RNGTT: variants seen among roughly 807,000 people sequenced by gnomAD.
The protein encoded by RNGTT is mRNA-capping enzyme.
RNGTT carries 33 observed loss-of-function variants against 79.3 expected under a neutral mutation model. The observed-to-expected ratio is 0.42, with a 90% CI of 0.32 to 0.56. The LOEUF (loss-of-function observed/expected upper bound fraction) is 0.56. Ranked by LOEUF, RNGTT falls within the 20% of genes least tolerant of loss-of-function variation. RNGTT has a pLI of 0.17. For missense variants in RNGTT, 497 were observed against 739.1 expected (o/e 0.67, Z 3.80); for synonymous variants, 222 against 235.9 (o/e 0.94, Z 0.54).
At chr6:88,729,185 TAG>T (rs1248717420) in intron 13 of RNGTT, among the ~76,000 whole-genome samples, 2 of 152,118 alleles carry the variant, frequency 1.3e-5, no homozygotes, top group Non-Finnish European at 2.9e-5. Context: ...GCAGGAAACT[TAG>T]AGTTCCTTGG....
At chr6:88,952,933 A>G (rs1785303166) in intron 1 of RNGTT, among the ~76,000 whole-genome samples, 1 of 152,172 alleles carries the variant, frequency 6.6e-6, no homozygotes, top group African/African-American at 2.4e-5. Flanking sequence ...AGAGCACAAC[A>G]TCAAGGGATC....
At chr6:88,650,275 T>C (rs1307138979) in intron 14 of RNGTT, among the ~76,000 whole-genome samples, 2 of 152,202 alleles carry the variant, frequency 1.3e-5, no homozygotes, top group African/African-American at 4.8e-5. Context: ...ATTCATTCTT[T>C]TGCTAAACTA....
chr6:88,621,429 A>G (rs1053941324), intron 14 of RNGTT, among the ~76,000 whole-genome samples: 4 of 152,280 alleles, frequency 2.6e-5, no homozygotes, highest in African/African-American at 9.6e-5. Flanking sequence ...TGTACTGTTG[A>G]TAGCTGGTTA....
At chr6:88,765,877 C>T (rs2127839548) in intron 13 of RNGTT, among the ~76,000 whole-genome samples, 1 of 151,990 alleles carries the variant, frequency 6.6e-6, no homozygotes, top group South Asian at 2.1e-4. Context: ...TGACAAATTA[C>T]ACAAAAAAGC....
At chr6:88,687,863 G>C (rs1196000428) in intron 13 of RNGTT, among the ~76,000 whole-genome samples, 4 of 152,146 alleles carry the variant, frequency 2.6e-5, no homozygotes, top group African/African-American at 7.2e-5. Context: ...AGCAGGATGA[G>C]TGAAGAGTGA....
At chr6:88,760,996 T>A (rs1339518926) in intron 13 of RNGTT, among the ~76,000 whole-genome samples, 1 of 144,740 alleles carries the variant, frequency 6.9e-6, no homozygotes, top group Non-Finnish European at 1.5e-5. Flanking sequence ...TTTTTTTTTT[T>A]AATGAATTGA....
intron 8 of RNGTT, among the ~76,000 whole-genome samples, chr6:88,858,005 A>T (rs1562288796): frequency 6.6e-6 from 1 of 152,320 alleles, no homozygotes; most frequent in African/African-American, 2.4e-5. Flanking sequence ...CAAAGTGGCA[A>T]TGAATTAAGA....
rs1316830318 is a variant in RNGTT, at chr6:88,802,636, G to A, written c.1270-1004C>T. Among the ~76,000 whole-genome samples, 3 of 152,314 alleles carry A rather than the reference G, an allele frequency of 2.0e-5. No individual in the cohort carries two copies. In the East Asian group the frequency reaches 5.8e-4, roughly 29 times the overall value. On this transcript the variant is annotated intron_variant, in intron 11 of 15. Coordinates refer to ENST00000369485, the MANE Select transcript of RNGTT (RefSeq NM_003800.5). ...GAAAAAGCAGTTTAATGGACTTGCT[G>A]TTCCACATGGCTGGGGTGGCCTCAC...
chr6:88,850,515 T>C (rs1478873558), intron 9 of RNGTT, among the ~76,000 whole-genome samples: 1 of 152,004 alleles, frequency 6.6e-6, no homozygotes, highest in Middle Eastern at 3.2e-3. Flanking sequence ...TTATTTTTCT[T>C]TCCTCATATT....
At chr6:88,692,743 T>A (rs1775527739) in intron 13 of RNGTT, among the ~76,000 whole-genome samples, 1 of 152,090 alleles carries the variant, frequency 6.6e-6, no homozygotes, top group African/African-American at 2.4e-5. Flanking sequence ...AAAAACTGAT[T>A]AACTTGCAAA....
intron 8 of RNGTT, among the ~76,000 whole-genome samples, chr6:88,856,858 G>C (rs1412525653): frequency 2.0e-5 from 3 of 152,088 alleles, no homozygotes; most frequent in African/African-American, 7.2e-5. Flanking sequence ...CAAACTGTCA[G>C]ATACTGCCTT....
chr6:88,849,937 T>C (rs577399984), intron 9 of RNGTT, 111 bp from the exon 10 acceptor site: 1 of 1,049,156 alleles, frequency 9.5e-7, no homozygotes, highest in African/African-American at 1.7e-5. Flanking sequence ...ATATACAACT[T>C]GATGAAATTT....
At chr6:88,749,329 C>T (rs1041903953) in intron 13 of RNGTT, among the ~76,000 whole-genome samples, 2 of 151,680 alleles carry the variant, frequency 1.3e-5, no homozygotes, top group African/African-American at 2.4e-5. Flanking sequence ...GAAATACAAA[C>T]GTAACTTGGA....
intron 12 of RNGTT, among the ~76,000 whole-genome samples, chr6:88,780,739 G>A (rs144593184): frequency 2.0e-5 from 3 of 152,304 alleles, no homozygotes; most frequent in Admixed American, 6.5e-5. Context: ...ACGTCAGGCA[G>A]CAAAATAAGA....
chr6:88,887,210 T>C (rs749992273), intron 8 of RNGTT, among the ~76,000 whole-genome samples: 1 of 152,142 alleles, frequency 6.6e-6, no homozygotes, highest in Non-Finnish European at 1.5e-5. Context: ...TTAAATATTG[T>C]TACGAGATAT....
intron 13 of RNGTT, among the ~76,000 whole-genome samples, chr6:88,697,889 GATATATATATATGATATATATATGAA>G (rs1775738691): frequency 1.3e-5 from 1 of 77,374 alleles, no homozygotes; most frequent in South Asian, 3.6e-4. Context: ...ATATATATAT[GATATATATATATGATATATATATGAA>G]ATACATATAT....
At chr6:88,863,250 T>C (rs1297259612) in intron 8 of RNGTT, among the ~76,000 whole-genome samples, 1 of 152,226 alleles carries the variant, frequency 6.6e-6, no homozygotes, top group Non-Finnish European at 1.5e-5. Flanking sequence ...AGCATGCCAC[T>C]GAAGATTTGG....
rs117691347 is a variant in RNGTT at position 88,676,713 on chromosome 6, T to A, written c.1506+1640A>T. ...TATATCCAGAAGATATAAAAAATGTTCAAAACTCAGTAAGAAAACAAAAAA... is the reference window on the plus strand; with the variant it reads ...TATATCCAGAAGATATAAAAAATGTACAAAACTCAGTAAGAAAACAAAAAA... On this transcript the variant is annotated intron_variant, in intron 14 of 15. Transcript: ENST00000369485. Among the ~76,000 whole-genome samples the A allele has an allele frequency of 2.7e-4, 41 of 152,170 alleles. No homozygotes were observed. In the East Asian group the frequency reaches 7.5e-3, roughly 28 times the overall value.
At chr6:88,726,574 C>CTTTG (rs754220503) in intron 13 of RNGTT, among the ~76,000 whole-genome samples, 17,263 of 152,106 alleles carry the variant, frequency 0.11, 1,091 homozygotes, top group Middle Eastern at 0.23. Flanking sequence ...CTAGGAGGAA[C>CTTTG]TCCCTTCAGG....
Sources: gnomAD v4.1 joint callset for allele counts (sites outside exome capture counted in the v4.1 genomes callset) on GRCh38, gnomAD v4.1.1 for gene constraint, MANE v1.5 for transcripts, NCBI Gene and HGNC (gene_info 2026-07-23, HGNC 2026-07-21) for gene names.